PRPF40B: variants seen among roughly 807,000 people sequenced by gnomAD.
PRPF40B encodes the protein pre-mRNA-processing factor 40 homolog B.
Under a neutral mutation model 124.5 loss-of-function variants are expected in PRPF40B, and 56 were observed. The observed-to-expected ratio is 0.45, with a 90% CI of 0.36 to 0.56. The LOEUF (loss-of-function observed/expected upper bound fraction) is 0.56, where lower values mean the gene tolerates loss of function less well. Among genes scored for constraint, PRPF40B ranks in the 20% least tolerant of loss-of-function variants. The pLI is 0.00. For missense variants in PRPF40B, 1,053 were observed against 1,169.5 expected (o/e 0.90, Z 1.45); for synonymous variants, 443 against 426.4 (o/e 1.04, Z -0.48).
chr12:49,638,411 A>C (rs531166981), intron 18 of PRPF40B: 1 of 152,472 alleles, frequency 6.6e-6, no homozygotes, highest in East Asian at 1.9e-4. Flanking sequence ...CTGAGATGCC[A>C]CTTTAGAAAG....
intron 4 of PRPF40B, chr12:49,632,134 CTT>C: frequency 1.6e-6 from 1 of 625,720 alleles, no homozygotes; most frequent in Non-Finnish European, 2.9e-6. Flanking sequence ...TATACATTCT[CTT>C]GTTACTCACG....
intron 23 of PRPF40B, 56 bp from the exon 24 acceptor site, chr12:49,643,631 CAAAG>C (rs1555214485): frequency 7.7e-6 from 12 of 1,558,970 alleles, no homozygotes; most frequent in Non-Finnish European, 8.7e-6. Context: ...GGGGCTAGAA[CAAAG>C]AAAAAGAGCC....
intron 15 of PRPF40B, 137 bp from the exon 16 acceptor site, chr12:49,636,579 C>G: frequency 9.0e-7 from 1 of 1,116,814 alleles, no homozygotes; most frequent in Non-Finnish European, 1.3e-6. Flanking sequence ...CCCACAGAGC[C>G]CCCTCCAGGC....
chr12:49,631,829 T>C lies in PRPF40B; in HGVS notation c.229-31T>C. On this transcript the variant is annotated intron_variant, in intron 3 of 25. Transcript: ENST00000548825. The surrounding 1 kb of genome is among the most constrained non-coding windows in gnomAD (Gnocchi z 4.3). ...CCTCCTGTTCCAGCCCTTACCTTGG[T>C]GGTTGGTTTCTGTCTTCTTTGTATC... The C allele has an allele frequency of 6.3e-7, 1 of 1,598,136 alleles. No individual in the cohort carries two copies. Among genetic ancestry groups the C allele is most frequent in the Non-Finnish European group, 8.6e-7 (1 of 1,165,928 alleles).
intron 5 of PRPF40B, 55 bp from the exon 6 acceptor site, chr12:49,632,800 A>G: frequency 1.2e-6 from 2 of 1,613,146 alleles, no homozygotes; most frequent in Non-Finnish European, 1.7e-6. Context: ...CATAGGTGGG[A>G]ATAAGATGGA....
chr12:49,637,655 C>A, intron 17 of PRPF40B, 71 bp downstream of exon 17: 1 of 1,559,198 alleles, frequency 6.4e-7, no homozygotes, highest in Admixed American at 1.7e-5. Flanking sequence ...CCCCCTACTA[C>A]CGGCTCCTGT....
chr12:49,634,872 T>C, intron 12 of PRPF40B: 2 of 639,642 alleles, frequency 3.1e-6, no homozygotes, highest in South Asian at 2.1e-5. Context: ...TAGGGTGACT[T>C]GAGAACCCCA....
chr12:49,630,095 C>G (rs1941077649), intron 1 of PRPF40B, among the ~76,000 whole-genome samples: 2 of 152,192 alleles, frequency 1.3e-5, no homozygotes, highest in South Asian at 2.1e-4. Context: ...GACTGAATCT[C>G]TGTAACTGGG....
chr12:49,627,131 A>G (rs1031107489), intron 1 of PRPF40B, among the ~76,000 whole-genome samples: 3 of 152,210 alleles, frequency 2.0e-5, no homozygotes, highest in African/African-American at 7.2e-5. Context: ...AGGTGAGCAA[A>G]AACAGATGAA....
rs367831439 is a variant in PRPF40B, at chr12:49,637,620, T to G, written c.1675+36T>G. ...CAGGCTCCCCCTTCTCTGGCCTGGC[T>G]TCCTGCCCTGCCAGCCTCTCTGCAC... is the stretch of plus-strand genomic sequence containing the variant. On this transcript the variant is annotated intron_variant, in intron 17 of 25. Coordinates refer to ENST00000548825, the MANE Select transcript of PRPF40B (RefSeq NM_001031698.3). 6 of 1,592,428 alleles carry G rather than the reference T, an allele frequency of 3.8e-6. No individual in the cohort carries two copies. The South Asian group carries it at 6.6e-5, about 18-fold the overall frequency.
chr12:49,629,885 TAGAGG>T (rs1334559667), intron 1 of PRPF40B, among the ~76,000 whole-genome samples: 1 of 152,006 alleles, frequency 6.6e-6, no homozygotes, highest in Non-Finnish European at 1.5e-5. Flanking sequence ...TCAGGATTTG[TAGAGG>T]AGGGGATGGA....
intron 18 of PRPF40B, 107 bp downstream of exon 18, chr12:49,637,931 C>T: frequency 2.4e-6 from 2 of 849,682 alleles, no homozygotes; most frequent in Non-Finnish European, 1.9e-6. Context: ...CAGCTTGGTT[C>T]AGCAGATATC....
rs145387088 is a variant in PRPF40B at position 49,643,364 on chromosome 12, C to T, written c.2347C>T (p.Arg783Trp). 3.0e-4 allele frequency: 480 copies of T among 1,580,322 alleles called. No individual in the cohort carries two copies. Among genetic ancestry groups the T allele is most frequent in the Non-Finnish European group, 3.8e-4 (445 of 1,164,554 alleles). ...AAGTGGGGGTGCTGCCCTTGGAGGA[C>T]GGGGCTCCCCTTCCTCCCATCTTCT... is the stretch of plus-strand genomic sequence containing the variant. ...VESGGAALGGRGSPSSHLLGA... is the reference protein window; with the variant it reads ...VESGGAALGGWGSPSSHLLGA... Residue 783 changes from arginine to tryptophan, a missense_variant, in exon 23 of 26, where the codon CGG becomes TGG. Arg to Trp is a moderately radical substitution (Grantham distance 101, BLOSUM62 -3). Around this residue, in one of 2 missense-constraint regions of PRPF40B, gnomAD observed 895 missense variants for 1,052.2 expected, o/e 0.85. Transcript: ENST00000548825.
chr12:49,623,811 G>T, intron 1 of PRPF40B: 1 of 1,204,036 alleles, frequency 8.3e-7, no homozygotes, highest in Non-Finnish European at 1.0e-6. Context: ...GCCTGGCCGG[G>T]GGCGAAAGGT....
chr12:49,632,995 T>TGGGGGGGGGCG lies in PRPF40B; in HGVS notation c.349-18_349-17insGGGGGGGGCGG. The stretch of plus-strand genomic sequence containing the variant: ...AAAAGGGGCCTTGACCACCATTCTG[T>TGGGGGGGGGCG]GCCCCCCCCCCCACCCAGAGGGCCC... On this transcript the variant is annotated intron_variant, in intron 6 of 25. Coordinates refer to ENST00000548825, the MANE Select transcript of PRPF40B (RefSeq NM_001031698.3). 2.2e-6 allele frequency: 3 copies of TGGGGGGGGGCG among 1,365,448 alleles called. No individual in the cohort carries two copies. Among genetic ancestry groups the TGGGGGGGGGCG allele is most frequent in the Non-Finnish European group, 3.1e-6 (3 of 979,268 alleles). The allele number at this position is 1,365,448 out of a possible 1,614,324, so 84.6% of individuals were successfully genotyped here. A position where few individuals can be genotyped will look rare whatever the true frequency, so the allele number is the denominator to read the frequency against.
At chr12:49,630,372 A>T (rs1465936654) in intron 1 of PRPF40B, among the ~76,000 whole-genome samples, 173 bp from the exon 2 acceptor site, 1 of 152,174 alleles carries the variant, frequency 6.6e-6, no homozygotes, top group Non-Finnish European at 1.5e-5. Context: ...GCAAAAGCAC[A>T]AGAGAGAGCA....
chr12:49,632,824 A>C, intron 5 of PRPF40B, 31 bp from the exon 6 acceptor site: 2 of 1,613,988 alleles, frequency 1.2e-6, no homozygotes, highest in Non-Finnish European at 1.7e-6. Context: ...CGGAGCAAGG[A>C]CTTAGTATGT....
In PRPF40B at chr12:49,642,986, G is replaced by A. The variant is rs758453530; in HGVS notation, c.2175G>A (p.Lys725=). 23 of 1,613,784 alleles carry A rather than the reference G, an allele frequency of 1.4e-5. No homozygotes were observed. The highest frequency in any genetic ancestry group is 1.9e-5 in the Non-Finnish European group (22 of 1,179,906). The change falls in exon 22 of 26, where the codon AAG becomes AAA. Residue 725 remains lysine (K), a synonymous_variant. Coordinates refer to ENST00000548825, the MANE Select transcript of PRPF40B (RefSeq NM_001031698.3). This position sits in a 1 kb window ranked among gnomAD's most constrained non-coding sequence, Gnocchi z 5.8. ...GAAAGCATGGCAGGAAAGGCAAGAA[G>A]CACCATCACAAGCGTTCCCACTCAC... ...KGRKHGRKGK[K]HHHKRSHSPS...
chr12:49,635,331 C>G lies in PRPF40B; in HGVS notation c.1167-34C>G, dbSNP rs201057200. On this transcript the variant is annotated intron_variant, in intron 13 of 25. Transcript: ENST00000548825. The surrounding 1 kb of genome is among the most constrained non-coding windows in gnomAD (Gnocchi z 4.1). ...CACAAAGGTCCAGGGTCTCTGTTCT[C>G]TGTCTACCTACTCACAGCTTATATG... 8.7e-6 allele frequency: 14 copies of G among 1,609,426 alleles called. No homozygotes were observed. In the East Asian group the frequency reaches 3.1e-4, roughly 36 times the overall value.
Sources: allele counts gnomAD v4.1 joint callset (sites outside exome capture counted in the v4.1 genomes callset), GRCh38; gene constraint gnomAD v4.1.1; regional missense constraint gnomAD v4.1.1; non-coding constraint Gnocchi (gnomAD v3.1); transcripts MANE v1.5; gene names NCBI Gene and HGNC (gene_info 2026-07-23, HGNC 2026-07-21).